Variants in CDH13 observed in about 807,000 individuals in gnomAD.
CDH13 encodes cadherin-13.
Under a neutral mutation model 63.8 loss-of-function variants are expected in CDH13, and 24 were observed. That is an observed-to-expected ratio of 0.38 (90% CI 0.27 to 0.53). CDH13 has a LOEUF of 0.53. Among genes scored for constraint, CDH13 ranks in the 20% least tolerant of loss-of-function variants. CDH13 has a pLI of 0.85. For synonymous variants in CDH13, 503 were observed against 355.3 expected (o/e 1.42, Z -4.67); for missense variants, 1,049 against 903.1 (o/e 1.16, Z -2.07).
chr16:82,822,154 C>T (rs549040364), intron 1 of CDH13, among the ~76,000 whole-genome samples: 8 of 152,156 alleles, frequency 5.3e-5, no homozygotes, highest in South Asian at 4.2e-4. Context: ...AAAGATTACC[C>T]GGGGACACAA....
intron 2 of CDH13, among the ~76,000 whole-genome samples, chr16:82,865,655 G>A (rs900093839): frequency 2.6e-5 from 4 of 152,180 alleles, no homozygotes; most frequent in African/African-American, 4.8e-5. Flanking sequence ...GCCTGTGATG[G>A]GAAGGGCTGC....
intron 2 of CDH13, among the ~76,000 whole-genome samples, chr16:82,898,497 C>A (rs181323777): frequency 6.6e-6 from 1 of 152,210 alleles, no homozygotes; most frequent in South Asian, 2.1e-4. Context: ...TGCCCTACAG[C>A]TTGGGAGACA....
intron 6 of CDH13, among the ~76,000 whole-genome samples, chr16:83,413,099 T>A (rs976825102): frequency 7.2e-5 from 11 of 152,226 alleles, no homozygotes; most frequent in Admixed American, 2.0e-4. Flanking sequence ...ACAGTGGTAA[T>A]GCCATTTCAC....
chr16:82,850,900 T>C (rs1039630496), intron 1 of CDH13, among the ~76,000 whole-genome samples: 1 of 152,216 alleles, frequency 6.6e-6, no homozygotes, highest in East Asian at 1.9e-4. Context: ...AATAATGCTA[T>C]TGCATACTTA....
intron 1 of CDH13, among the ~76,000 whole-genome samples, chr16:82,798,612 C>T (rs777375695): frequency 6.6e-6 from 1 of 152,122 alleles, no homozygotes; most frequent in African/African-American, 2.4e-5. Context: ...TTTTGGAAGA[C>T]ACTTCCCCAT....
At chr16:83,636,840 C>T (rs1269497430) in intron 8 of CDH13, among the ~76,000 whole-genome samples, 2 of 152,182 alleles carry the variant, frequency 1.3e-5, no homozygotes, top group Non-Finnish European at 2.9e-5. Flanking sequence ...GTCCAGACTG[C>T]TCTCCGCAAT....
At chr16:82,940,430 G>C (rs1353486144) in intron 2 of CDH13, among the ~76,000 whole-genome samples, 1 of 152,128 alleles carries the variant, frequency 6.6e-6, no homozygotes, top group Non-Finnish European at 1.5e-5. Flanking sequence ...AACCTTAGCA[G>C]TTATGATTGT....
rs150347733 is a variant in CDH13 at position 83,648,888 on chromosome 16, T to C, written c.1102-21902T>C. On this transcript the variant is annotated intron_variant, in intron 8 of 13. Coordinates refer to ENST00000567109, the MANE Select transcript of CDH13 (RefSeq NM_001257.5). ...TTCCTAACTTTTTTGCATATGTAGC[T>C]GTGTCTTTTCCTGCCTTCTTTTTCT... Among the ~76,000 whole-genome samples, 8 of 152,282 alleles carry C rather than the reference T, an allele frequency of 5.3e-5. No homozygotes were observed. In the East Asian group the frequency reaches 1.5e-3, roughly 29 times the overall value.
At chr16:83,650,707 C>G (rs1912290025) in intron 8 of CDH13, among the ~76,000 whole-genome samples, 1 of 152,104 alleles carries the variant, frequency 6.6e-6, no homozygotes, top group Non-Finnish European at 1.5e-5. Flanking sequence ...AATTATCCAT[C>G]CCAGAATGTC....
chr16:82,893,729 C>T (rs2033830711), intron 2 of CDH13, among the ~76,000 whole-genome samples: 1 of 152,164 alleles, frequency 6.6e-6, no homozygotes, highest in African/African-American at 2.4e-5. Flanking sequence ...TGGGCCATAG[C>T]ACAACACCTA....
At chr16:83,069,203 C>G (rs1207348400) in intron 3 of CDH13, among the ~76,000 whole-genome samples, 1 of 152,182 alleles carries the variant, frequency 6.6e-6, no homozygotes. Flanking sequence ...AAGGAGTAAT[C>G]AGTGGTCTCA....
chr16:83,775,644 G>T (rs566552164), intron 11 of CDH13, among the ~76,000 whole-genome samples: 19 of 152,142 alleles, frequency 1.2e-4, no homozygotes, highest in African/African-American at 4.3e-4. Flanking sequence ...TTCCGGCCAG[G>T]AGTGGTGGCT....
At position 83,795,210 on chromosome 16, in the gene CDH13, A is replaced by T. The variant is rs552707570; in HGVS notation, c.*180A>T. 8 of 552,486 alleles carry T rather than the reference A, an allele frequency of 1.4e-5. 1 individual carries two copies. Among genetic ancestry groups the T allele is most frequent in the East Asian group, 1.2e-4 (4 of 33,926 alleles). The allele number at this position is 552,486 out of a possible 1,614,324, so 34.2% of individuals were successfully genotyped here. A position where few individuals can be genotyped will look rare whatever the true frequency, so the allele number is the denominator to read the frequency against. ...GTCTGTACTTCATCATTTTGACAGC[A>T]TCTTCCTCCCTCCTTTAATTAATGG... On this transcript the variant is annotated 3_prime_UTR_variant, in exon 14 of 14. Coordinates refer to ENST00000567109, the MANE Select transcript of CDH13 (RefSeq NM_001257.5).
intron 7 of CDH13, among the ~76,000 whole-genome samples, chr16:83,578,327 G>A (rs1056476685): frequency 6.6e-6 from 1 of 152,192 alleles, no homozygotes; most frequent in Non-Finnish European, 1.5e-5. Context: ...TGGGACTTAA[G>A]GTTCCAGGGC....
chr16:82,861,980 A>G (rs2039964727), intron 2 of CDH13, among the ~76,000 whole-genome samples: 1 of 152,204 alleles, frequency 6.6e-6, no homozygotes, highest in Non-Finnish European at 1.5e-5. Context: ...CCCATTTGTC[A>G]ATGAAAAATA....
intron 6 of CDH13, among the ~76,000 whole-genome samples, chr16:83,434,984 A>AATATAT (rs34092245): frequency 2.8e-5 from 4 of 144,198 alleles, no homozygotes; most frequent in African/African-American, 1.0e-4. Context: ...TAAATAAATA[A>AATATAT]ATATATATAT....
intron 3 of CDH13, among the ~76,000 whole-genome samples, chr16:83,038,613 CA>C (rs1459711773): frequency 1.3e-5 from 2 of 152,156 alleles, no homozygotes; most frequent in Admixed American, 6.5e-5. Context: ...CATGGCCCAA[CA>C]AGGATGAAAC....
intron 11 of CDH13, among the ~76,000 whole-genome samples, chr16:83,750,976 T>TAA (rs11297972): frequency 0.025 from 3,638 of 147,992 alleles, 89 homozygotes; most frequent in East Asian, 0.13. Flanking sequence ...CTTAACTATT[T>TAA]AAAAAAAAAA....
At chr16:83,121,583 C>G (rs762243515) in intron 3 of CDH13, among the ~76,000 whole-genome samples, 2 of 152,194 alleles carry the variant, frequency 1.3e-5, no homozygotes, top group Non-Finnish European at 2.9e-5. Flanking sequence ...TCACAGTTGC[C>G]TTATTGGTCA....
Sources: allele counts gnomAD v4.1 joint callset (sites outside exome capture counted in the v4.1 genomes callset), GRCh38; gene constraint gnomAD v4.1.1; transcripts MANE v1.5; gene names NCBI Gene and HGNC (gene_info 2026-07-23, HGNC 2026-07-21).